Variants in PHLPP2 observed in about 807,000 individuals in gnomAD.
PHLPP2 encodes the protein PH domain and leucine rich repeat protein phosphatase 2.
Under a neutral mutation model 124.9 loss-of-function variants are expected in PHLPP2, and 66 were observed. That is an observed-to-expected ratio of 0.53 (90% CI 0.43 to 0.65). The LOEUF (loss-of-function observed/expected upper bound fraction) is 0.65, where lower values mean the gene tolerates loss of function less well. Among genes scored for constraint, PHLPP2 ranks in the 30% least tolerant of loss-of-function variants. PHLPP2 has a pLI of 0.00. For synonymous variants in PHLPP2, 681 were observed against 624.7 expected, an observed-to-expected ratio of 1.09 and a Z score of -1.34; for missense variants, 1,685 against 1,600.4, an observed-to-expected ratio of 1.05 and a Z score of -0.90.
intron 1 of PHLPP2, 38 bp from the exon 2 acceptor site, chr16:71,714,839 C>G (rs372149872): frequency 1.3e-6 from 2 of 1,581,566 alleles, no homozygotes; most frequent in South Asian, 2.4e-5. Flanking sequence ...TTAGCTAGAA[C>G]ATCTGACTGA....
At position 71,681,733 on chromosome 16, in the gene PHLPP2, A is replaced by C; in HGVS notation, c.890+18T>G. ...GTTGGTTTTAACAGGTTAGTCTGGAAACCCATTCTCCACATACTTGTAGAG... is the reference window on the plus strand; with the variant it reads ...GTTGGTTTTAACAGGTTAGTCTGGACACCCATTCTCCACATACTTGTAGAG... On this transcript the variant is annotated intron_variant, in intron 6 of 18. Coordinates refer to ENST00000568954, the MANE Select transcript of PHLPP2 (RefSeq NM_015020.3). 1 of 1,585,230 alleles carries C rather than the reference A, an allele frequency of 6.3e-7. No individual in the cohort carries two copies. Among genetic ancestry groups the C allele is most frequent in the East Asian group, 2.3e-5 (1 of 43,362 alleles).
Position 71,649,045 on chromosome 16 carries a change from T to C in PHLPP2, c.3817A>G (p.Thr1273Ala). The change falls in exon 19 of 19, where the codon ACT becomes GCT. Residue 1273 changes from threonine (T) to alanine (A), a missense_variant. By Grantham distance (58) the Thr-to-Ala change is moderately conservative. Coordinates refer to ENST00000568954, the MANE Select transcript of PHLPP2 (RefSeq NM_015020.3). Reference protein sequence around the residue: ...KRKTGYFAAPTQMEPEDQFVV... With the variant: ...KRKTGYFAAPAQMEPEDQFVV... ...AACTGGTCCTCTGGTTCCATCTGAG[T>C]GGGGGCAGCAAAATAGCCAGTTTTC... is the stretch of plus-strand genomic sequence containing the variant. 2 of 1,614,070 alleles carry C rather than the reference T, an allele frequency of 1.2e-6. No individual in the cohort carries two copies. The highest frequency in any genetic ancestry group is 1.7e-6 in the Non-Finnish European group (2 of 1,179,994).
At chr16:71,710,740 T>G (rs1392155313) in intron 2 of PHLPP2, among the ~76,000 whole-genome samples, 2 of 152,346 alleles carry the variant, frequency 1.3e-5, no homozygotes, top group East Asian at 3.9e-4. Context: ...TAAGCAGCAC[T>G]ACAAATATTA....
At chr16:71,717,896 GTTT>G (rs935605250) in intron 1 of PHLPP2, among the ~76,000 whole-genome samples, 19 of 152,118 alleles carry the variant, frequency 1.2e-4, no homozygotes, top group Non-Finnish European at 2.2e-4. Flanking sequence ...ACTCCAGGAA[GTTT>G]TGTTTGTTTT....
intron 18 of PHLPP2, among the ~76,000 whole-genome samples, chr16:71,651,853 T>C (rs905689438): frequency 7.9e-5 from 12 of 152,214 alleles, no homozygotes; most frequent in African/African-American, 2.2e-4. Context: ...AACATGAATA[T>C]AGATACAGAG....
At position 71,648,695 on chromosome 16, in the gene PHLPP2, C is replaced by G; in HGVS notation, c.*195G>C. On this transcript the variant is annotated 3_prime_UTR_variant, in exon 19 of 19. Transcript: ENST00000568954. ...GCTGAGACAGGAGAATGGCTTGAAC[C>G]CAGGGACAGAGGCTGCAGTGACCCG... 1 of 570,992 alleles carries G rather than the reference C, an allele frequency of 1.8e-6. No homozygotes were observed. Among genetic ancestry groups the G allele is most frequent in the Non-Finnish European group, 3.1e-6 (1 of 322,230 alleles). The allele number at this position is 570,992 out of a possible 1,614,324, so 35.4% of individuals were successfully genotyped here.
At chr16:71,675,250 T>A (rs935383417) in intron 9 of PHLPP2, among the ~76,000 whole-genome samples, 7 of 152,208 alleles carry the variant, frequency 4.6e-5, no homozygotes, top group South Asian at 2.1e-4. Flanking sequence ...TACCTTTTTT[T>A]AAATGTGATG....
At position 71,690,518 on chromosome 16, in the gene PHLPP2, C is replaced by G; in HGVS notation, c.609+1G>C. 1 of 1,593,832 alleles carries G rather than the reference C, an allele frequency of 6.3e-7. No homozygotes were observed. The highest frequency in any genetic ancestry group is 8.6e-7 in the Non-Finnish European group (1 of 1,166,366). On this transcript the variant is annotated splice_donor_variant, in intron 4 of 18. Transcript: ENST00000568954. LOFTEE classifies it high-confidence loss of function. ...AAATAATTCATCTTTGTGAGTCTTA[C>G]CTTTCCACCAACCAGAGGCAAAATG...
At chr16:71,717,976 C>T (rs955294935) in intron 1 of PHLPP2, among the ~76,000 whole-genome samples, 2 of 152,164 alleles carry the variant, frequency 1.3e-5, no homozygotes, top group Admixed American at 6.5e-5. Context: ...ACGGCAGCTT[C>T]GAACTCCTGA....
At chr16:71,682,631 C>T (rs2045013150) in intron 5 of PHLPP2, among the ~76,000 whole-genome samples, 1 of 152,100 alleles carries the variant, frequency 6.6e-6, no homozygotes, top group South Asian at 2.1e-4. Context: ...AGTAAATAAC[C>T]AAGCACACAG....
intron 3 of PHLPP2, among the ~76,000 whole-genome samples, chr16:71,692,780 T>C (rs1370264303): frequency 2.0e-5 from 3 of 152,228 alleles, no homozygotes; most frequent in African/African-American, 4.8e-5. Flanking sequence ...TCTAAAACAA[T>C]GTAAATGTTA....
intron 4 of PHLPP2, among the ~76,000 whole-genome samples, chr16:71,685,383 T>C (rs369355000): frequency 6.6e-6 from 1 of 152,172 alleles, no homozygotes; most frequent in East Asian, 1.9e-4. Context: ...ATAGCTTTGA[T>C]GAGGAAGCAG....
intron 3 of PHLPP2, among the ~76,000 whole-genome samples, chr16:71,699,592 A>T (rs138014670): frequency 2.0e-5 from 3 of 152,198 alleles, no homozygotes; most frequent in African/African-American, 7.2e-5. Flanking sequence ...TGTCCACATG[A>T]CCTCATGCCT....
At chr16:71,722,593 C>A (rs2045405332) in intron 1 of PHLPP2, among the ~76,000 whole-genome samples, 1 of 152,188 alleles carries the variant, frequency 6.6e-6, no homozygotes, top group African/African-American at 2.4e-5. Context: ...CATGTAAATA[C>A]TGCTGAACCT....
chr16:71,653,733 C>T (rs1414215993), intron 17 of PHLPP2, among the ~76,000 whole-genome samples: 1 of 152,162 alleles, frequency 6.6e-6, no homozygotes, highest in Non-Finnish European at 1.5e-5. Flanking sequence ...GCTTGAGTTG[C>T]TTCATAAATG....
chr16:71,714,679 G>C lies in PHLPP2; in HGVS notation c.117C>G (p.Asp39Glu). The C allele has an allele frequency of 6.2e-7, 1 of 1,613,664 alleles. No homozygotes were observed. The change falls in exon 2 of 19, where the codon GAC becomes GAG. Residue 39 changes from aspartate to glutamate, a missense_variant. Transcript: ENST00000568954. Reference protein sequence around the residue: ...KRGCVYLYGADTTTATTTTTT... With the variant: ...KRGCVYLYGAETTTATTTTTT... ...TGGTGGTTGTAGTGGCAGTGGTAGT[G>C]TCTGCTCCATAAAGGTAAACACAGC...
chr16:71,660,492 C>G (rs2044779903), intron 13 of PHLPP2, among the ~76,000 whole-genome samples: 1 of 118,726 alleles, frequency 8.4e-6, no homozygotes, highest in Admixed American at 1.1e-4. Context: ...GTGGCGCAAT[C>G]TTGGCTCGCT....
chr16:71,690,090 A>G (rs1393867897), intron 4 of PHLPP2, among the ~76,000 whole-genome samples: 1 of 152,226 alleles, frequency 6.6e-6, no homozygotes, highest in Admixed American at 6.5e-5. Context: ...CCTCTAGGAC[A>G]GATGGAAGAA....
chr16:71,702,487 G>T, intron 3 of PHLPP2, 111 bp downstream of exon 3: 1 of 852,360 alleles, frequency 1.2e-6, no homozygotes, highest in Non-Finnish European at 1.8e-6. Flanking sequence ...TTAGTTAATT[G>T]GCTTAAAACT....
Sources: allele counts gnomAD v4.1 joint callset (sites outside exome capture counted in the v4.1 genomes callset), GRCh38; gene constraint gnomAD v4.1.1; transcripts MANE v1.5; gene names NCBI Gene and HGNC (gene_info 2026-07-23, HGNC 2026-07-21).